RANBP2: variants seen among roughly 807,000 people sequenced by gnomAD.
RANBP2 encodes the protein RAN binding protein 2.
RANBP2 carries 57 observed loss-of-function variants against 303.6 expected under a neutral mutation model. That is an observed-to-expected ratio of 0.19 (90% CI 0.15 to 0.23). The LOEUF (loss-of-function observed/expected upper bound fraction) is 0.23. Among genes scored for constraint, RANBP2 ranks in the 10% least tolerant of loss-of-function variants. The probability of loss-of-function intolerance (pLI) is 1.00; values close to 1 mark genes in which losing one functional copy is unlikely to be tolerated. For synonymous variants in RANBP2, 1,167 were observed against 1,301.5 expected, an observed-to-expected ratio of 0.90 and a Z score of 2.23; for missense variants, 3,138 against 3,780.8, an observed-to-expected ratio of 0.83 and a Z score of 4.46.
the RANBP2 span, chr2:109,348,067 C>G: frequency 4.4e-6 from 6 of 1,352,732 alleles, no homozygotes; most frequent in Non-Finnish European, 4.9e-6. Context: ...AATCCTGGCT[C>G]CTCCCGGAAC....
chr2:108,928,409 C>T, the RANBP2 span, among the ~76,000 whole-genome samples: 1 of 152,162 alleles, frequency 6.6e-6, no homozygotes, highest in Admixed American at 6.5e-5. Flanking sequence ...ATGCACTAAG[C>T]TGTGGTCACC....
At chr2:109,005,079 A>T in the RANBP2 span, among the ~76,000 whole-genome samples, 21 of 152,246 alleles carry the variant, frequency 1.4e-4, no homozygotes, top group African/African-American at 4.6e-4. Context: ...CCTCTTCACT[A>T]GTCAAGACCC....
At chr2:109,107,975 C>T in the RANBP2 span, among the ~76,000 whole-genome samples, 4 of 150,756 alleles carry the variant, frequency 2.7e-5, no homozygotes, top group South Asian at 2.1e-4. Flanking sequence ...GCATGACCTC[C>T]GCTCACTGCA....
At chr2:108,829,238 G>A in the RANBP2 span, among the ~76,000 whole-genome samples, 7 of 152,108 alleles carry the variant, frequency 4.6e-5, no homozygotes, top group African/African-American at 1.4e-4. Context: ...TATCTGACAA[G>A]CGATTGCTAC....
chr2:109,395,241 C>T, the RANBP2 span, among the ~76,000 whole-genome samples: 1 of 152,196 alleles, frequency 6.6e-6, no homozygotes, highest in Admixed American at 6.5e-5. Context: ...TCCTCAGTCC[C>T]ATGTGTGTAG....
chr2:109,530,363 T>C, the RANBP2 span, among the ~76,000 whole-genome samples: 1 of 152,200 alleles, frequency 6.6e-6, no homozygotes, highest in East Asian at 1.9e-4. Context: ...GAGCAGGCTG[T>C]GGCGCCTCCA....
chr2:109,065,660 A>G, the RANBP2 span, among the ~76,000 whole-genome samples: 4 of 152,232 alleles, frequency 2.6e-5, no homozygotes, highest in African/African-American at 9.6e-5. Context: ...ATGCTCTGAC[A>G]CCTGAGAGCT....
At chr2:109,548,192 C>T in the RANBP2 span, among the ~76,000 whole-genome samples, 9 of 148,104 alleles carry the variant, frequency 6.1e-5, 1 homozygote, top group African/African-American at 2.2e-4. Flanking sequence ...AAAAAAAAAA[C>T]TAGGGTCTTA....
chr2:108,918,232 T>G, the RANBP2 span, among the ~76,000 whole-genome samples: 1 of 152,110 alleles, frequency 6.6e-6, no homozygotes, highest in Non-Finnish European at 1.5e-5. Context: ...GCCCCCAGGA[T>G]AGGCACCGGC....
chr2:109,400,595 G>A, the RANBP2 span, among the ~76,000 whole-genome samples: 1 of 139,200 alleles, frequency 7.2e-6, no homozygotes, highest in Non-Finnish European at 1.6e-5. Context: ...ACACACTTGT[G>A]AACTTATATG....
chr2:109,135,748 G>A, the RANBP2 span, among the ~76,000 whole-genome samples: 5,514 of 152,234 alleles, frequency 0.036, 291 homozygotes, highest in African/African-American at 0.12. Context: ...AAACTGGATC[G>A]TCAAGCATTA....
the RANBP2 span, chr2:108,929,494 CG>C: frequency 3.5e-6 from 4 of 1,154,966 alleles, no homozygotes; most frequent in African/African-American, 4.5e-5. Context: ...CTACTCTTGC[CG>C]GGCCTTGGTT....
At chr2:109,571,434 C>G in the RANBP2 span, among the ~76,000 whole-genome samples, 1 of 152,114 alleles carries the variant, frequency 6.6e-6, no homozygotes, top group Admixed American at 6.6e-5. Flanking sequence ...TGTTTCTAGA[C>G]TATAAGCCTG....
At chr2:108,897,428 T>A in the RANBP2 span, among the ~76,000 whole-genome samples, 9 of 152,072 alleles carry the variant, frequency 5.9e-5, no homozygotes, top group Non-Finnish European at 1.3e-4. Context: ...AAGAGAGGGC[T>A]GTGCATGTAC....
At chr2:109,720,193 C>T in the RANBP2 span, among the ~76,000 whole-genome samples, 8 of 152,058 alleles carry the variant, frequency 5.3e-5, no homozygotes, top group South Asian at 2.1e-4. Context: ...TCCTCCTGCA[C>T]GCCTCCACGC....
At chr2:109,231,657 C>G in the RANBP2 span, among the ~76,000 whole-genome samples, 1 of 152,188 alleles carries the variant, frequency 6.6e-6, no homozygotes, top group Non-Finnish European at 1.5e-5. Flanking sequence ...GGACTTCATA[C>G]TAACATTAGC....
the RANBP2 span, among the ~76,000 whole-genome samples, chr2:109,279,510 G>A: frequency 5.3e-5 from 8 of 152,250 alleles, no homozygotes; most frequent in East Asian, 5.8e-4. Context: ...TGGGGAAGTC[G>A]CCACCGCCCC....
the RANBP2 span, among the ~76,000 whole-genome samples, chr2:109,094,735 C>A: frequency 6.6e-6 from 1 of 152,088 alleles, no homozygotes; most frequent in South Asian, 2.1e-4. Flanking sequence ...GAGGCTGAGG[C>A]AGGAGAATCA....
At chr2:109,292,152 C>T in the RANBP2 span, among the ~76,000 whole-genome samples, 39 of 152,320 alleles carry the variant, frequency 2.6e-4, no homozygotes, top group Middle Eastern at 6.8e-3. Flanking sequence ...CGTGAGCTAC[C>T]GTGCCTGGCC....
Sources: gnomAD v4.1 joint callset for allele counts (sites outside exome capture counted in the v4.1 genomes callset) on GRCh38, gnomAD v4.1.1 for gene constraint, MANE v1.5 for transcripts, NCBI Gene and HGNC (gene_info 2026-07-23, HGNC 2026-07-21) for gene names.